ANO3: variants seen among roughly 807,000 people sequenced by gnomAD.
ANO3 encodes the protein anoctamin 3.
A neutral mutation model predicts 144.8 loss-of-function variants in ANO3; 99 were observed. That is an observed-to-expected ratio of 0.68 (90% CI 0.58 to 0.81). ANO3 has a LOEUF of 0.81. Among genes scored for constraint, ANO3 ranks in the 30% least tolerant of loss-of-function variants. ANO3 has a pLI of 0.00. For missense variants in ANO3, 905 were observed against 1,202.2 expected, an observed-to-expected ratio of 0.75 and a Z score of 3.66; for synonymous variants, 414 against 392.6, an observed-to-expected ratio of 1.05 and a Z score of -0.64.
intron 1 of ANO3, among the ~76,000 whole-genome samples, chr11:26,289,794 A>C (rs979894195): frequency 2.0e-5 from 3 of 148,184 alleles, no homozygotes; most frequent in Admixed American, 6.7e-5. Flanking sequence ...GCCAGTATAT[A>C]TATATGTGTG....
chr11:26,655,982 G>T, intron 24 of ANO3, 143 bp from the exon 25 acceptor site: 1 of 637,254 alleles, frequency 1.6e-6, no homozygotes. Flanking sequence ...GTTAGGGAAT[G>T]GAATAAAAGA....
rs79132801 is a variant in ANO3 at position 26,445,221 on chromosome 11, C to A, written c.313+1385C>A. Among the ~76,000 whole-genome samples the A allele has an allele frequency of 4.6e-5, 7 of 152,212 alleles. No homozygotes were observed. The South Asian group carries it at 1.5e-3, about 32-fold the overall frequency. ...GCATTTTGGATTTGGGAAGCTGAAACTATATTATCAGTTATTTTCTAATTT... is the reference window on the plus strand; with the variant it reads ...GCATTTTGGATTTGGGAAGCTGAAAATATATTATCAGTTATTTTCTAATTT... On this transcript the variant is annotated intron_variant, in intron 3 of 26. Coordinates refer to ENST00000256737, the MANE Select transcript of ANO3 (RefSeq NM_031418.4).
intron 1 of ANO3, among the ~76,000 whole-genome samples, chr11:26,230,198 A>G (rs546399687): frequency 2.6e-5 from 4 of 152,312 alleles, no homozygotes; most frequent in East Asian, 3.9e-4. Flanking sequence ...GTGAGTCACT[A>G]TGTTGGAGCA....
At chr11:26,366,982 A>C (rs977395206) in intron 1 of ANO3, among the ~76,000 whole-genome samples, 1 of 152,156 alleles carries the variant, frequency 6.6e-6, no homozygotes, top group African/African-American at 2.4e-5. Context: ...TCTTTGACAA[A>C]CCTGACAAAA....
chr11:26,352,983 G>C (rs892308453), intron 1 of ANO3, among the ~76,000 whole-genome samples: 1 of 152,146 alleles, frequency 6.6e-6, no homozygotes, highest in African/African-American at 2.4e-5. Context: ...ACTCAAAAAT[G>C]AGTCATAAAA....
upstream of ANO3, among the ~76,000 whole-genome samples, chr11:26,307,894 C>A (rs1854420800): frequency 6.6e-6 from 1 of 151,934 alleles, no homozygotes; most frequent in Non-Finnish European, 1.5e-5. Flanking sequence ...GCTTCTCTAA[C>A]CCCATTTTCC....
chr11:26,369,318 C>G (rs1485075748), intron 1 of ANO3, among the ~76,000 whole-genome samples: 1 of 152,082 alleles, frequency 6.6e-6, no homozygotes, highest in Non-Finnish European at 1.5e-5. Context: ...ATTAAAATGT[C>G]AAAGAAACTA....
intron 5 of ANO3, among the ~76,000 whole-genome samples, chr11:26,509,349 T>G (rs1029813183): frequency 2.0e-5 from 3 of 152,006 alleles, no homozygotes; most frequent in African/African-American, 7.2e-5. Flanking sequence ...TGAGTCTCAC[T>G]CTGTTGCCCA....
chr11:26,335,989 G>A (rs1349860865), intron 1 of ANO3, among the ~76,000 whole-genome samples: 1 of 152,214 alleles, frequency 6.6e-6, no homozygotes, highest in Non-Finnish European at 1.5e-5. Context: ...CAGTGGTGGG[G>A]AGGGGGAGGC....
At chr11:26,329,341 G>C (rs889334653), upstream of ANO3, among the ~76,000 whole-genome samples, 6 of 148,872 alleles carry the variant, frequency 4.0e-5, no homozygotes, top group African/African-American at 7.4e-5. Flanking sequence ...GAGAGAGAGA[G>C]AGAGAGGAAT....
chr11:26,301,857 C>T (rs1428864734), intron 1 of ANO3, among the ~76,000 whole-genome samples: 1 of 152,168 alleles, frequency 6.6e-6, no homozygotes, highest in Non-Finnish European at 1.5e-5. Context: ...CAAGGAGGCT[C>T]AAAGTGAGAG....
chr11:26,288,952 C>T (rs1284179136), intron 1 of ANO3, among the ~76,000 whole-genome samples: 1 of 152,010 alleles, frequency 6.6e-6, no homozygotes, highest in East Asian at 1.9e-4. Context: ...AGATTTCAGT[C>T]GTTTAATAAT....
intron 17 of ANO3, among the ~76,000 whole-genome samples, chr11:26,609,608 G>GC (rs1054880230): frequency 6.6e-5 from 10 of 151,686 alleles, no homozygotes; most frequent in African/African-American, 2.2e-4. Flanking sequence ...CTTTGGCCCC[G>GC]CCCCCCACCA....
chr11:26,441,318 C>A (rs1342247230), intron 1 of ANO3, among the ~76,000 whole-genome samples: 1 of 150,926 alleles, frequency 6.6e-6, no homozygotes, highest in African/African-American at 2.4e-5. Context: ...GGGGTTTCAC[C>A]GTTTTAGCCG....
chr11:26,564,649 T>A (rs1850445144), intron 14 of ANO3, among the ~76,000 whole-genome samples: 1 of 140,258 alleles, frequency 7.1e-6, no homozygotes, highest in African/African-American at 2.6e-5. Context: ...ATTCATTACT[T>A]TGTTCAACTT....
chr11:26,222,168 C>T (rs941920208), intron 1 of ANO3, among the ~76,000 whole-genome samples: 6 of 152,206 alleles, frequency 3.9e-5, no homozygotes, highest in East Asian at 1.9e-4. Flanking sequence ...CTTACCATCC[C>T]AAAATGAAGG....
intron 1 of ANO3, among the ~76,000 whole-genome samples, chr11:26,245,403 C>T (rs932040470): frequency 1.2e-4 from 19 of 152,062 alleles, no homozygotes; most frequent in African/African-American, 4.1e-4. Context: ...GATTTTAGCC[C>T]GAATCAATTA....
At chr11:26,249,077 T>C (rs1852865432) in intron 1 of ANO3, among the ~76,000 whole-genome samples, 1 of 152,182 alleles carries the variant, frequency 6.6e-6, no homozygotes, top group South Asian at 2.1e-4. Flanking sequence ...TTCTTTATTA[T>C]TGTAACTATA....
intron 4 of ANO3, among the ~76,000 whole-genome samples, chr11:26,489,358 T>A (rs992187523): frequency 6.6e-6 from 1 of 152,188 alleles, no homozygotes; most frequent in Non-Finnish European, 1.5e-5. Flanking sequence ...TGTATGGAAA[T>A]GCCTGGATCA....
Sources: gnomAD v4.1 joint callset for allele counts (sites outside exome capture counted in the v4.1 genomes callset) on GRCh38, gnomAD v4.1.1 for gene constraint, MANE v1.5 for transcripts, NCBI Gene and HGNC (gene_info 2026-07-23, HGNC 2026-07-21) for gene names.